FAM135B: variants seen among roughly 807,000 people sequenced by gnomAD.
The protein encoded by FAM135B is family with sequence similarity 135 member B, also known as protein FAM135B.
Under a neutral mutation model 127.7 loss-of-function variants are expected in FAM135B, and 43 were observed. The observed-to-expected ratio is 0.34, with a 90% CI of 0.26 to 0.43. FAM135B has a LOEUF of 0.43. Ranked by LOEUF, FAM135B falls within the 20% of genes least tolerant of loss-of-function variation. FAM135B has a pLI of 1.00. For missense variants in FAM135B, 1,558 were observed against 1,725.6 expected (o/e 0.90, Z 1.72); for synonymous variants, 670 against 665.1 (o/e 1.01, Z -0.11).
chr8:138,192,352 C>T (rs375579825), intron 9 of FAM135B, among the ~76,000 whole-genome samples: 15 of 152,352 alleles, frequency 9.8e-5, no homozygotes, highest in Middle Eastern at 3.4e-3. Context: ...AAGATAGCAG[C>T]GCTTTCCCAA....
chr8:138,235,685 C>A (rs1820221348), intron 7 of FAM135B, among the ~76,000 whole-genome samples: 1 of 152,250 alleles, frequency 6.6e-6, no homozygotes, highest in Middle Eastern at 3.4e-3. Flanking sequence ...CAGACACACA[C>A]CTCCCATCAG....
chr8:138,168,217 C>T (rs562294240), intron 11 of FAM135B, among the ~76,000 whole-genome samples, 168 bp from the exon 12 acceptor site: 1 of 152,256 alleles, frequency 6.6e-6, no homozygotes, highest in East Asian at 1.9e-4. Context: ...GAGCCATAGT[C>T]TGCTTTGTTT....
chr8:138,375,153 T>C (rs1325638244), intron 1 of FAM135B, among the ~76,000 whole-genome samples: 1 of 152,182 alleles, frequency 6.6e-6, no homozygotes, highest in Non-Finnish European at 1.5e-5. Context: ...ACTGCACATG[T>C]AGCTGATAGC....
intron 2 of FAM135B, among the ~76,000 whole-genome samples, chr8:138,329,273 C>T (rs1828008727): frequency 6.6e-6 from 1 of 152,196 alleles, no homozygotes; most frequent in Non-Finnish European, 1.5e-5. Flanking sequence ...CAGAAAAGAT[C>T]TCTGACCAAT....
At chr8:138,239,554 A>G (rs1340200224) in intron 7 of FAM135B, among the ~76,000 whole-genome samples, 7 of 152,152 alleles carry the variant, frequency 4.6e-5, no homozygotes, top group African/African-American at 1.2e-4. Context: ...GAAGCTCTTT[A>G]GTTTAACTAG....
intron 2 of FAM135B, among the ~76,000 whole-genome samples, chr8:138,324,238 T>C (rs537097490): frequency 9.2e-5 from 14 of 152,330 alleles, no homozygotes; most frequent in Non-Finnish European, 1.6e-4. Flanking sequence ...GTCATTCCCA[T>C]ATACAGCTAA....
intron 2 of FAM135B, among the ~76,000 whole-genome samples, chr8:138,318,548 G>C (rs2130931593): frequency 6.6e-6 from 1 of 152,276 alleles, no homozygotes; most frequent in South Asian, 2.1e-4. Flanking sequence ...ATGAAGGAAG[G>C]CATTGAGCCA....
chr8:138,152,050 G>A lies in FAM135B; in HGVS notation c.2425C>T (p.Pro809Ser), dbSNP rs2130754012. 6.2e-7 allele frequency: 1 copy of A among 1,613,950 alleles called. No individual in the cohort carries two copies. Among genetic ancestry groups the A allele is most frequent in the Non-Finnish European group, 8.5e-7 (1 of 1,180,028 alleles). The change falls in exon 13 of 20, where the codon CCA becomes TCA. Residue 809 changes from proline to serine, a missense_variant. Physicochemically the swap from Pro to Ser is moderately conservative, Grantham distance 74 (BLOSUM62 -1). Transcript: ENST00000395297. Reference sequence around the variant, plus strand: ...CCACAAAGTTGAGAGCAAGATCCTGGGGAACCTTGGCTCTTGCTGTGCATA... The same window carrying A: ...CCACAAAGTTGAGAGCAAGATCCTGAGGAACCTTGGCTCTTGCTGTGCATA... ...SDMHSKSQGS[P>S]GSCSQLCGDS...
chr8:138,139,076 G>C lies in FAM135B; in HGVS notation c.3811C>G (p.Leu1271Val), dbSNP rs2130566876. Reference protein sequence around the residue: ...VSTGLWLMQKLKKSGSLLQLT... With the variant: ...VSTGLWLMQKVKKSGSLLQLT... ...TGCAGTAGAGACCCGGATTTCTTCAGTTTCTGCATGAGCCATAAGCCTAGG... is the reference window on the plus strand; with the variant it reads ...TGCAGTAGAGACCCGGATTTCTTCACTTTCTGCATGAGCCATAAGCCTAGG... Residue 1271 changes from leucine (L) to valine (V), a missense_variant, in exon 18 of 20, where the codon CTG becomes GTG. By Grantham distance (32) the Leu-to-Val change is conservative. Around this residue, in one of 5 missense-constraint regions of FAM135B, gnomAD observed 194 missense variants for 333.8 expected, o/e 0.58. Transcript: ENST00000395297. The C allele has an allele frequency of 6.2e-6, 10 of 1,612,090 alleles. No individual in the cohort carries two copies. The highest frequency in any genetic ancestry group is 8.5e-6 in the Non-Finnish European group (10 of 1,178,218).
intron 3 of FAM135B, among the ~76,000 whole-genome samples, chr8:138,274,479 G>A (rs192289976): frequency 3.7e-4 from 56 of 152,268 alleles, no homozygotes; most frequent in African/African-American, 1.1e-3. Flanking sequence ...ACCACAGGAC[G>A]GAGGCAAAAT....
chr8:138,436,393 T>C (rs548870060), intron 1 of FAM135B, among the ~76,000 whole-genome samples: 5 of 150,660 alleles, frequency 3.3e-5, no homozygotes, highest in East Asian at 1.9e-4. Context: ...GTGACAATCA[T>C]ATGATGTGGA....
intron 6 of FAM135B, among the ~76,000 whole-genome samples, chr8:138,246,855 AG>A (rs547933350): frequency 1.8e-4 from 28 of 152,226 alleles, no homozygotes; most frequent in Non-Finnish European, 3.8e-4. Flanking sequence ...TGCAAAGTCA[AG>A]GGGCACAGCT....
intron 1 of FAM135B, 100 bp from the exon 2 acceptor site, chr8:138,368,102 CAG>C: frequency 1.3e-6 from 1 of 777,540 alleles, no homozygotes; most frequent in South Asian, 1.5e-5. Context: ...ACAGGACCAA[CAG>C]GAGTAGCGTG....
At chr8:138,495,988 A>C (rs954346760) in intron 1 of FAM135B, among the ~76,000 whole-genome samples, 2 of 152,172 alleles carry the variant, frequency 1.3e-5, no homozygotes, top group African/African-American at 4.8e-5. Flanking sequence ...GCTAGAAATG[A>C]GGTGGGGAGA....
intron 7 of FAM135B, among the ~76,000 whole-genome samples, chr8:138,219,532 C>T (rs13259055): frequency 1.3e-5 from 2 of 151,970 alleles, no homozygotes; most frequent in African/African-American, 4.8e-5. Context: ...ATAAAATCTG[C>T]GTAAATATTT....
intron 14 of FAM135B, among the ~76,000 whole-genome samples, chr8:138,146,336 T>C (rs1586594052): frequency 6.6e-6 from 1 of 152,088 alleles, no homozygotes; most frequent in African/African-American, 2.4e-5. Context: ...ACAGGAACAG[T>C]GGGAGATACA....
At chr8:138,161,720 T>C (rs1819416174) in intron 12 of FAM135B, among the ~76,000 whole-genome samples, 1 of 152,154 alleles carries the variant, frequency 6.6e-6, no homozygotes, top group African/African-American at 2.4e-5. Flanking sequence ...GGCGCATTCT[T>C]TGCACCTTAA....
chr8:138,166,696 C>A (rs1243280226), intron 12 of FAM135B, among the ~76,000 whole-genome samples: 1 of 152,110 alleles, frequency 6.6e-6, no homozygotes, highest in Non-Finnish European at 1.5e-5. Flanking sequence ...TGAAGTAAAT[C>A]TGAGATATAC....
chr8:138,371,790 C>G (rs1461543290), intron 1 of FAM135B, among the ~76,000 whole-genome samples: 2 of 152,224 alleles, frequency 1.3e-5, no homozygotes, highest in Non-Finnish European at 2.9e-5. Context: ...GACATCTTCT[C>G]TGCACTAACT....
Sources: allele counts gnomAD v4.1 joint callset (sites outside exome capture counted in the v4.1 genomes callset), GRCh38; gene constraint gnomAD v4.1.1; regional missense constraint gnomAD v4.1.1; transcripts MANE v1.5; gene names NCBI Gene and HGNC (gene_info 2026-07-23, HGNC 2026-07-21).